The following RPS6KC1 variants were observed in gnomAD, a reference collection of about 807,000 sequenced individuals.
The protein encoded by RPS6KC1 is inactive ribosomal protein S6 kinase delta-1.
A neutral mutation model predicts 103.8 loss-of-function variants in RPS6KC1; 54 were observed. That is an observed-to-expected ratio of 0.52 (90% CI 0.42 to 0.65). The LOEUF is 0.65. Ranked by LOEUF, RPS6KC1 falls within the 30% of genes least tolerant of loss-of-function variation. RPS6KC1 has a pLI of 0.00. For synonymous variants in RPS6KC1, 439 were observed against 438.7 expected (o/e 1.00, Z -0.01); for missense variants, 1,151 against 1,253.8 (o/e 0.92, Z 1.24).
chr1:213,549,544 G>A, the RPS6KC1 span, among the ~76,000 whole-genome samples: 5 of 151,050 alleles, frequency 3.3e-5, no homozygotes, highest in Non-Finnish European at 7.4e-5. Flanking sequence ...ATTCATCAAA[G>A]TAGGGCAAGA....
chr1:213,707,396 G>GT, the RPS6KC1 span, among the ~76,000 whole-genome samples: 60 of 150,862 alleles, frequency 4.0e-4, no homozygotes, highest in Admixed American at 9.3e-4. Flanking sequence ...TGATGGGGTT[G>GT]TTTTTTTTTC....
intron 6 of RPS6KC1, among the ~76,000 whole-genome samples, chr1:213,152,130 C>G (rs1307040113): frequency 7.9e-6 from 1 of 125,960 alleles, no homozygotes; most frequent in African/African-American, 3.1e-5. Flanking sequence ...TAGGGGCGGC[C>G]GGGCAGAGGC....
the RPS6KC1 span, among the ~76,000 whole-genome samples, chr1:213,637,691 C>T: frequency 6.6e-6 from 1 of 152,138 alleles, no homozygotes; most frequent in African/African-American, 2.4e-5. Flanking sequence ...TGCATTCCCA[C>T]CAACAATGTA....
the RPS6KC1 span, among the ~76,000 whole-genome samples, chr1:213,314,726 C>T: frequency 1.3e-5 from 2 of 151,794 alleles, no homozygotes; most frequent in African/African-American, 2.4e-5. Flanking sequence ...GAAATAGGCC[C>T]ATTAAATGCT....
At chr1:213,838,305 G>A in the RPS6KC1 span, among the ~76,000 whole-genome samples, 1 of 152,024 alleles carries the variant, frequency 6.6e-6, no homozygotes, top group Non-Finnish European at 1.5e-5. Flanking sequence ...TTGACCCTTG[G>A]GATGACCATG....
chr1:213,347,833 C>A, the RPS6KC1 span, among the ~76,000 whole-genome samples: 3 of 152,128 alleles, frequency 2.0e-5, no homozygotes, highest in African/African-American at 7.2e-5. Flanking sequence ...GATAAGAAGG[C>A]AGACATGACG....
chr1:213,432,100 C>T, the RPS6KC1 span, among the ~76,000 whole-genome samples: 2 of 152,078 alleles, frequency 1.3e-5, no homozygotes, highest in South Asian at 2.1e-4. Context: ...AAGTCTTTGC[C>T]CATATTTTAG....
At chr1:213,704,122 T>G in the RPS6KC1 span, among the ~76,000 whole-genome samples, 1 of 152,040 alleles carries the variant, frequency 6.6e-6, no homozygotes, top group East Asian at 1.9e-4. Flanking sequence ...GCGCGGTGGC[T>G]CACGCCTGTA....
chr1:213,413,935 G>A, the RPS6KC1 span, among the ~76,000 whole-genome samples: 1 of 152,206 alleles, frequency 6.6e-6, no homozygotes, highest in African/African-American at 2.4e-5. Flanking sequence ...CACAGGGGAA[G>A]CTAAAAATGA....
At chr1:213,525,633 C>T in the RPS6KC1 span, among the ~76,000 whole-genome samples, 3 of 152,016 alleles carry the variant, frequency 2.0e-5, no homozygotes, top group South Asian at 6.2e-4. Context: ...ACCAAGAAAA[C>T]AAAGATGAAG....
intron 3 of RPS6KC1, among the ~76,000 whole-genome samples, chr1:213,088,179 A>T (rs1432289862): frequency 6.6e-6 from 1 of 152,000 alleles, no homozygotes; most frequent in Non-Finnish European, 1.5e-5. Context: ...GGCCCAGGGA[A>T]CCTAGCAAAC....
intron 12 of RPS6KC1, among the ~76,000 whole-genome samples, chr1:213,259,898 A>G (rs1255958078): frequency 2.6e-5 from 4 of 151,518 alleles, no homozygotes; most frequent in Non-Finnish European, 4.4e-5. Flanking sequence ...GCCACCATGC[A>G]TGGCTAATTT....
the RPS6KC1 span, among the ~76,000 whole-genome samples, chr1:213,754,792 A>G: frequency 1.2e-4 from 19 of 152,318 alleles, no homozygotes; most frequent in South Asian, 3.9e-3. Flanking sequence ...CCATTTCCAA[A>G]TACTATCCCA....
At chr1:213,092,333 G>A (rs1343269198) in intron 3 of RPS6KC1, among the ~76,000 whole-genome samples, 1 of 152,164 alleles carries the variant, frequency 6.6e-6, no homozygotes, top group Non-Finnish European at 1.5e-5. Flanking sequence ...TTGTATGGAT[G>A]TGCCATAATT....
At chr1:213,409,235 C>T in the RPS6KC1 span, among the ~76,000 whole-genome samples, 1 of 151,980 alleles carries the variant, frequency 6.6e-6, no homozygotes, top group African/African-American at 2.4e-5. Flanking sequence ...AAAGTTATTG[C>T]GGTTTTTGCC....
the RPS6KC1 span, among the ~76,000 whole-genome samples, chr1:213,701,186 T>C: frequency 6.6e-6 from 1 of 152,028 alleles, no homozygotes; most frequent in East Asian, 1.9e-4. Flanking sequence ...ATACTAGCTG[T>C]GTGTCTATAT....
the RPS6KC1 span, among the ~76,000 whole-genome samples, chr1:213,373,925 AG>A: frequency 1.3e-5 from 2 of 152,096 alleles, no homozygotes; most frequent in African/African-American, 4.8e-5. Flanking sequence ...AAGGGCAGTG[AG>A]GGAGACCTCT....
intron 4 of RPS6KC1, among the ~76,000 whole-genome samples, chr1:213,115,375 T>C (rs1192790064): frequency 5.3e-5 from 8 of 151,766 alleles, no homozygotes; most frequent in East Asian, 3.9e-4. Context: ...TGGTAGTTTG[T>C]ATTTCTGTGG....
chr1:213,184,046 C>T (rs972131734), intron 8 of RPS6KC1, among the ~76,000 whole-genome samples: 5 of 152,034 alleles, frequency 3.3e-5, no homozygotes, highest in African/African-American at 1.2e-4. Context: ...GTACGAATTA[C>T]CACCCAAAAT....
Sources: gnomAD v4.1 joint callset for allele counts (sites outside exome capture counted in the v4.1 genomes callset) on GRCh38, gnomAD v4.1.1 for gene constraint, MANE v1.5 for transcripts, NCBI Gene and HGNC (gene_info 2026-07-23, HGNC 2026-07-21) for gene names.